GABRA6: variants seen among roughly 807,000 people sequenced by gnomAD.
The protein encoded by GABRA6 is gamma-aminobutyric acid type A receptor subunit alpha6.
A neutral mutation model predicts 47.3 loss-of-function variants in GABRA6; 45 were observed. The ratio of observed to expected loss-of-function variants is 0.95; its 90% confidence interval spans 0.75 to 1.22. GABRA6 has a LOEUF of 1.22. GABRA6 is among the 50% of genes most tolerant of loss of function. The pLI is 0.00. For synonymous variants in GABRA6, 219 were observed against 194.7 expected (o/e 1.12, Z -1.04); for missense variants, 583 against 549.3 (o/e 1.06, Z -0.61).
chr5:161,696,788 TC>T (rs1213826178), intron 8 of GABRA6, among the ~76,000 whole-genome samples: 4 of 152,202 alleles, frequency 2.6e-5, no homozygotes, highest in Non-Finnish European at 5.9e-5. Context: ...GTTCTAATTT[TC>T]CCCATAACGA....
rs558679547 is a variant in GABRA6, at chr5:161,698,049, T to G, written c.1087-3449T>G. On this transcript the variant is annotated intron_variant, in intron 8 of 8. Transcript: ENST00000274545. ...ACAATGTAACATAATCATAAAACTT[T>G]TCATCCCCCTCTTTGCCTACTTCCT... 2.0e-5 allele frequency among the ~76,000 whole-genome samples: 3 copies of G among 152,330 alleles called. No homozygotes were observed. In the East Asian group the frequency reaches 5.8e-4, roughly 29 times the overall value.
chr5:161,688,918 C>T, intron 3 of GABRA6, 31 bp from the exon 4 acceptor site: 1 of 1,567,948 alleles, frequency 6.4e-7, no homozygotes, highest in South Asian at 1.1e-5. Context: ...ACTATCTTTC[C>T]AGCCCACACA....
At position 161,702,215 on chromosome 5, in the gene GABRA6, G is replaced by C. The variant is rs1754995053; in HGVS notation, c.*442G>C. The C allele has an allele frequency of 5.6e-6, 1 of 178,622 alleles. No individual in the cohort carries two copies. The highest frequency in any genetic ancestry group is 1.2e-5 in the Non-Finnish European group (1 of 83,418). The allele number at this position is 178,622 out of a possible 1,614,324, so 11.1% of individuals were successfully genotyped here. On this transcript the variant is annotated 3_prime_UTR_variant, in exon 9 of 9. Coordinates refer to ENST00000274545, the MANE Select transcript of GABRA6 (RefSeq NM_000811.3). The stretch of plus-strand genomic sequence containing the variant: ...AATACAGTCTAAATATTTATCAGTA[G>C]GTTAATACCAGCATGTTGGAGGCCT...
intron 3 of GABRA6, among the ~76,000 whole-genome samples, chr5:161,688,741 C>T (rs1247092669): frequency 1.3e-5 from 2 of 152,132 alleles, no homozygotes; most frequent in South Asian, 2.1e-4. Context: ...GGGAAGTTTA[C>T]ATATCACAGC....
At chr5:161,698,479 A>G (rs1581124984) in intron 8 of GABRA6, among the ~76,000 whole-genome samples, 1 of 152,124 alleles carries the variant, frequency 6.6e-6, no homozygotes, top group African/African-American at 2.4e-5. Flanking sequence ...TATTTTGAAA[A>G]TGATTTAAAA....
intron 7 of GABRA6, among the ~76,000 whole-genome samples, chr5:161,691,077 GGC>G (rs1314972070): frequency 6.6e-6 from 1 of 151,702 alleles, no homozygotes; most frequent in Non-Finnish European, 1.5e-5. Flanking sequence ...AAATTCCCCA[GGC>G]CATAGTTCAA....
At chr5:161,700,368 G>A (rs1040531171) in intron 8 of GABRA6, among the ~76,000 whole-genome samples, 9 of 152,198 alleles carry the variant, frequency 5.9e-5, no homozygotes, top group Non-Finnish European at 8.8e-5. Context: ...AGTGTTTGAA[G>A]GCAGAGGCCC....
intron 8 of GABRA6, among the ~76,000 whole-genome samples, chr5:161,694,905 A>G (rs1754862320): frequency 6.6e-6 from 1 of 152,196 alleles, no homozygotes; most frequent in South Asian, 2.1e-4. Context: ...TATATGATAT[A>G]GAGGAACAAA....
chr5:161,694,808 A>T (rs1478047339), intron 8 of GABRA6, among the ~76,000 whole-genome samples: 1 of 152,154 alleles, frequency 6.6e-6, no homozygotes, highest in East Asian at 1.9e-4. Context: ...AAACAATGTA[A>T]ACCTTGAAGG....
chr5:161,692,259 T>A, intron 8 of GABRA6, 59 bp downstream of exon 8: 1 of 1,606,286 alleles, frequency 6.2e-7, no homozygotes, highest in Non-Finnish European at 8.5e-7. Context: ...TAAATAGTGA[T>A]CAGAAACAAC....
chr5:161,690,395 C>T, intron 7 of GABRA6, 42 bp downstream of exon 7: 5 of 1,578,848 alleles, frequency 3.2e-6, no homozygotes, highest in Non-Finnish European at 4.3e-6. Context: ...TCATCCTCCA[C>T]CTTTCATTGC....
chr5:161,692,225 T>C (rs1754806422), intron 8 of GABRA6, 25 bp downstream of exon 8: 1 of 1,614,070 alleles, frequency 6.2e-7, no homozygotes, highest in East Asian at 2.2e-5. Flanking sequence ...TTTCTATCAT[T>C]ACCTACCGTA....
In GABRA6 at chr5:161,686,373, C is replaced by T. The variant is rs374513435; in HGVS notation, c.157+25C>T. 14 of 1,522,204 alleles carry T rather than the reference C, an allele frequency of 9.2e-6. No homozygotes were observed. The African/African-American group carries it at 1.4e-4, about 15-fold the overall frequency. The allele number at this position is 1,522,204 out of a possible 1,614,324, so 94.3% of individuals were successfully genotyped here. A position where few individuals can be genotyped will look rare whatever the true frequency, so the allele number is the denominator to read the frequency against. On this transcript the variant is annotated intron_variant, in intron 2 of 8. Coordinates refer to ENST00000274545, the MANE Select transcript of GABRA6 (RefSeq NM_000811.3). ...GGTAAGAAGCTGCATCTTTGCTACA[C>T]AAACACCTGTAGTTTCCTTCCTCCG... is the stretch of plus-strand genomic sequence containing the variant.
intron 8 of GABRA6, among the ~76,000 whole-genome samples, chr5:161,696,612 T>C (rs1172059173): frequency 1.3e-5 from 2 of 152,142 alleles, no homozygotes; most frequent in Non-Finnish European, 2.9e-5. Flanking sequence ...TATTTTATTA[T>C]GAACTCTCCA....
intron 3 of GABRA6, among the ~76,000 whole-genome samples, 198 bp from the exon 4 acceptor site, chr5:161,688,751 C>T (rs1021082890): frequency 6.6e-6 from 1 of 152,134 alleles, no homozygotes; most frequent in African/African-American, 2.4e-5. Flanking sequence ...CATATCACAG[C>T]ACTATCTTTT....
intron 8 of GABRA6, among the ~76,000 whole-genome samples, chr5:161,698,872 ATTTAAT>A (rs1459651407): frequency 6.6e-6 from 1 of 152,132 alleles, no homozygotes. Context: ...TTTCAATATA[ATTTAAT>A]TTTAATTTTT....
intron 2 of GABRA6, 129 bp downstream of exon 2, chr5:161,686,477 AT>A (rs1754704287): frequency 2.6e-6 from 2 of 778,834 alleles, no homozygotes; most frequent in Non-Finnish European, 4.6e-6. Flanking sequence ...GACCATGGGT[AT>A]GTTCCCATCC....
chr5:161,692,295 T>C (rs1206371263), intron 8 of GABRA6, 95 bp downstream of exon 8: 2 of 1,446,756 alleles, frequency 1.4e-6, no homozygotes, highest in African/African-American at 2.8e-5. Context: ...TAATGTGAGT[T>C]GAGCACAGGT....
intron 3 of GABRA6, chr5:161,687,551 G>T: frequency 2.2e-6 from 1 of 455,880 alleles, no homozygotes; most frequent in Non-Finnish European, 4.4e-6. Flanking sequence ...ATTCATAAGA[G>T]GGTATTTATA....
Sources: gnomAD v4.1 joint callset for allele counts (sites outside exome capture counted in the v4.1 genomes callset) on GRCh38, gnomAD v4.1.1 for gene constraint, MANE v1.5 for transcripts, NCBI Gene and HGNC (gene_info 2026-07-23, HGNC 2026-07-21) for gene names.